Variants in GALNT18 observed in about 807,000 individuals in gnomAD.
The protein encoded by GALNT18 is polypeptide N-acetylgalactosaminyltransferase 18.
GALNT18 carries 44 observed loss-of-function variants against 69.5 expected under a neutral mutation model. The ratio of observed to expected loss-of-function variants is 0.63; its 90% CI spans 0.50 to 0.81. The LOEUF is 0.81. Among genes scored for constraint, GALNT18 ranks in the 40% least tolerant of loss-of-function variants. The pLI is 0.00. For synonymous variants in GALNT18, 364 were observed against 318.2 expected (o/e 1.14, Z -1.53); for missense variants, 715 against 810.0 (o/e 0.88, Z 1.42).
chr11:11,611,247 C>A (rs529662165), intron 1 of GALNT18, among the ~76,000 whole-genome samples: 2 of 152,212 alleles, frequency 1.3e-5, no homozygotes, highest in Non-Finnish European at 2.9e-5. Context: ...TGTTTTGTGC[C>A]CAAACCACTT....
intron 1 of GALNT18, among the ~76,000 whole-genome samples, chr11:11,457,231 G>A (rs1372357735): frequency 6.6e-6 from 1 of 152,184 alleles, no homozygotes; most frequent in African/African-American, 2.4e-5. Flanking sequence ...GGAGGAAACG[G>A]GCTTCAGAGT....
At chr11:11,423,275 T>C (rs917196913) in intron 3 of GALNT18, among the ~76,000 whole-genome samples, 1 of 150,216 alleles carries the variant, frequency 6.7e-6, no homozygotes, top group African/African-American at 2.5e-5. Context: ...TGTAACACGA[T>C]ACACATGTAC....
intron 9 of GALNT18, among the ~76,000 whole-genome samples, chr11:11,293,533 C>CTT (rs34166465): frequency 0.26 from 20,375 of 77,854 alleles, 2,951 homozygotes; most frequent in Non-Finnish European, 0.33. Flanking sequence ...ACAAACCCCT[C>CTT]TTTTTTTTTT....
chr11:11,611,263 G>C (rs1003155833), intron 1 of GALNT18, among the ~76,000 whole-genome samples: 2 of 152,128 alleles, frequency 1.3e-5, no homozygotes, highest in African/African-American at 4.8e-5. Context: ...CACTTTATTA[G>C]AGCTTTCCTT....
rs113554780 is a variant in GALNT18 at position 11,437,642 on chromosome 11, C to A, written c.429-4855G>T. On this transcript the variant is annotated intron_variant, in intron 2 of 10. Coordinates refer to ENST00000227756, the MANE Select transcript of GALNT18 (RefSeq NM_198516.3). ...CCTGGGGCGGTGGCCAAACCTCATG[C>A]GCTATAGCCAGACACCTCCGTCTTG... Among the ~76,000 whole-genome samples the A allele has an allele frequency of 2.2e-3, 329 of 151,942 alleles. 1 individual carries two copies. The highest frequency in any genetic ancestry group is 7.3e-3 in the African/African-American group (301 of 41,436).
At chr11:11,349,125 A>G (rs1850354530) in intron 6 of GALNT18, among the ~76,000 whole-genome samples, 1 of 152,182 alleles carries the variant, frequency 6.6e-6, no homozygotes, top group Non-Finnish European at 1.5e-5. Flanking sequence ...CACATCCTGC[A>G]ACTTGCTTCT....
At position 11,562,897 on chromosome 11, in the gene GALNT18, A is replaced by G. The variant is rs531449867; in HGVS notation, c.235+58462T>C. The stretch of plus-strand genomic sequence containing the variant: ...GAGGCCTGGGCTTTCCCTTCCCATC[A>G]CCCTGCCTCAGGCTTCATTCAGCAC... On this transcript the variant is annotated intron_variant, in intron 1 of 10. Transcript: ENST00000227756. This position sits in a 1 kb window ranked among gnomAD's most constrained non-coding sequence, Gnocchi z 4.1. Among the ~76,000 whole-genome samples the G allele has an allele frequency of 1.5e-4, 23 of 151,914 alleles. No individual in the cohort carries two copies. The highest frequency in any genetic ancestry group is 3.3e-4 in the Admixed American group (5 of 15,262).
At chr11:11,567,750 C>A (rs979525839) in intron 1 of GALNT18, among the ~76,000 whole-genome samples, 1 of 152,204 alleles carries the variant, frequency 6.6e-6, no homozygotes. Flanking sequence ...AAGGATCTGA[C>A]TTTCTCAATG....
chr11:11,440,579 T>C (rs1855512867), intron 2 of GALNT18, among the ~76,000 whole-genome samples: 1 of 152,216 alleles, frequency 6.6e-6, no homozygotes. Flanking sequence ...CCCAGAATTC[T>C]GGGGCTGGAG....
chr11:11,489,868 C>A (rs1362884106), intron 1 of GALNT18, among the ~76,000 whole-genome samples: 1 of 152,118 alleles, frequency 6.6e-6, no homozygotes. Flanking sequence ...TGCTGAAGGT[C>A]ACAGAGCCAA....
At chr11:11,599,699 T>TA (rs1859588682) in intron 1 of GALNT18, among the ~76,000 whole-genome samples, 1 of 151,994 alleles carries the variant, frequency 6.6e-6, no homozygotes, top group Admixed American at 6.6e-5. Flanking sequence ...TCTTGTGCAC[T>TA]AAGTCAATAT....
At chr11:11,526,379 T>C (rs1857525014) in intron 1 of GALNT18, among the ~76,000 whole-genome samples, 1 of 152,224 alleles carries the variant, frequency 6.6e-6, no homozygotes, top group Admixed American at 6.5e-5. Context: ...TCCTGGAGTC[T>C]TTGATGTTCC....
At chr11:11,488,247 ACTC>A (rs1267963969) in intron 1 of GALNT18, among the ~76,000 whole-genome samples, 5 of 152,032 alleles carry the variant, frequency 3.3e-5, no homozygotes, top group African/African-American at 1.2e-4. Flanking sequence ...GCAGGGCTGT[ACTC>A]CTCCTGCAGG....
chr11:11,403,268 C>A (rs951999426), intron 3 of GALNT18, among the ~76,000 whole-genome samples: 2 of 152,176 alleles, frequency 1.3e-5, no homozygotes, highest in African/African-American at 4.8e-5. Flanking sequence ...GGGGTCCATG[C>A]CCTGCTTGAT....
chr11:11,326,851 AG>A (rs757320399), intron 9 of GALNT18, among the ~76,000 whole-genome samples: 4 of 152,172 alleles, frequency 2.6e-5, no homozygotes, highest in Non-Finnish European at 4.4e-5. Flanking sequence ...ATCATCCTGG[AG>A]GATCCTGGAG....
intron 6 of GALNT18, among the ~76,000 whole-genome samples, chr11:11,364,061 C>G (rs767237321): frequency 4.7e-4 from 71 of 152,030 alleles, no homozygotes; most frequent in Non-Finnish European, 9.6e-4. Context: ...CTAATTGGTC[C>G]CCTTTGGAGG....
At chr11:11,384,435 AG>A (rs1356920320) in intron 3 of GALNT18, among the ~76,000 whole-genome samples, 3 of 152,154 alleles carry the variant, frequency 2.0e-5, no homozygotes, top group Non-Finnish European at 4.4e-5. Context: ...AGCAGGGAGA[AG>A]GGCAAGGTAG....
chr11:11,278,012 T>C (rs1351669283), intron 10 of GALNT18, among the ~76,000 whole-genome samples: 2 of 152,160 alleles, frequency 1.3e-5, no homozygotes, highest in East Asian at 1.9e-4. Flanking sequence ...AGATGTCTAT[T>C]AAGTCCACTT....
intron 9 of GALNT18, 87 bp downstream of exon 9, chr11:11,326,999 C>CT: frequency 1.0e-6 from 1 of 995,664 alleles, no homozygotes; most frequent in Middle Eastern, 2.5e-4. Flanking sequence ...CCTAGCTCTC[C>CT]TTCCCCATGA....
Sources: gnomAD v4.1 joint callset for allele counts (sites outside exome capture counted in the v4.1 genomes callset) on GRCh38, gnomAD v4.1.1 for gene constraint, Gnocchi (gnomAD v3.1) non-coding constraint, MANE v1.5 for transcripts, NCBI Gene and HGNC (gene_info 2026-07-23, HGNC 2026-07-21) for gene names.